SLC38A1: variants seen among roughly 807,000 people sequenced by gnomAD.
SLC38A1 encodes the protein sodium-coupled neutral amino acid symporter 1.
Under a neutral mutation model 60.3 loss-of-function variants are expected in SLC38A1, and 18 were observed. The observed-to-expected ratio is 0.30, with a 90% CI of 0.21 to 0.44. The LOEUF (loss-of-function observed/expected upper bound fraction) is 0.44, where lower values mean the gene tolerates loss of function less well. SLC38A1 is among the 20% of genes least tolerant of loss of function. The pLI is 1.00. For missense variants in SLC38A1, 448 were observed against 587.2 expected, an observed-to-expected ratio of 0.76 and a Z score of 2.45; for synonymous variants, 196 against 212.1, an observed-to-expected ratio of 0.92 and a Z score of 0.66.
intron 16 of SLC38A1, chr12:46,196,322 G>A: frequency 1.3e-6 from 2 of 1,532,536 alleles, no homozygotes; most frequent in East Asian, 2.4e-5. Flanking sequence ...GGCTGCACAT[G>A]GCATACCATC....
chr12:46,206,121 G>A lies in SLC38A1; in HGVS notation c.605C>T (p.Thr202Ile). ...ACACAGAGGGAGAATTATGCCAAAG[G>A]TAACTATCACCACCAGAACGCGGCC... ...VDGRVLVVIV[T>I]FGIILPLCLL... is the part of the protein sequence containing the mutation. Residue 202 changes from threonine (T) to isoleucine (I), a missense_variant, in exon 9 of 17, where the codon ACC becomes ATC. Physicochemically the swap from Thr to Ile is moderately conservative, Grantham distance 89 (BLOSUM62 -1). Transcript: ENST00000398637. 6.2e-7 allele frequency: 1 copy of A among 1,611,880 alleles called. No homozygotes were observed. Among genetic ancestry groups the A allele is most frequent in the Non-Finnish European group, 8.5e-7 (1 of 1,178,678 alleles).
chr12:46,196,956 G>T (rs780708322), intron 16 of SLC38A1, among the ~76,000 whole-genome samples: 3 of 152,194 alleles, frequency 2.0e-5, no homozygotes, highest in Admixed American at 6.5e-5. Context: ...TAATAAAAAA[G>T]ACTATTTAAG....
intron 5 of SLC38A1, among the ~76,000 whole-genome samples, chr12:46,216,844 A>G (rs955755520): frequency 6.7e-6 from 1 of 150,314 alleles, no homozygotes; most frequent in Non-Finnish European, 1.5e-5. Flanking sequence ...TGGGTGACAG[A>G]GTGAGATGCC....
chr12:46,263,633 C>T (rs1484286719), intron 1 of SLC38A1, among the ~76,000 whole-genome samples: 1 of 152,074 alleles, frequency 6.6e-6, no homozygotes, highest in East Asian at 1.9e-4. Flanking sequence ...TTCTCCTATA[C>T]CTTGGTCCAT....
intron 3 of SLC38A1, 190 bp downstream of exon 3, chr12:46,239,489 A>C: frequency 2.1e-6 from 1 of 475,268 alleles, no homozygotes; most frequent in Non-Finnish European, 3.8e-6. Context: ...ATGCCTGGCT[A>C]ATTTTTTGTA....
intron 1 of SLC38A1, among the ~76,000 whole-genome samples, chr12:46,253,759 TC>T (rs1192994162): frequency 6.6e-6 from 1 of 151,662 alleles, no homozygotes; most frequent in African/African-American, 2.4e-5. Context: ...CTCTGACATT[TC>T]CCCCCTCCCT....
intron 2 of SLC38A1, among the ~76,000 whole-genome samples, chr12:46,241,986 T>C (rs1941463587): frequency 6.6e-6 from 1 of 152,132 alleles, no homozygotes; most frequent in Non-Finnish European, 1.5e-5. Context: ...TGACTAATAA[T>C]AGATCCCGAG....
intron 3 of SLC38A1, among the ~76,000 whole-genome samples, chr12:46,231,292 A>G (rs763210734): frequency 2.0e-5 from 3 of 152,212 alleles, no homozygotes; most frequent in Non-Finnish European, 4.4e-5. Flanking sequence ...GAGACTCCAA[A>G]GAAGGGGAAG....
rs564472994 is a variant in SLC38A1, at chr12:46,196,187, G to C, written c.1362+1533C>G. 2.9e-5 allele frequency: 44 copies of C among 1,536,052 alleles called. No homozygotes were observed. The Middle Eastern group carries it at 1.2e-3, about 41-fold the overall frequency. ...ACAAGATTATAAGTTCCTTGCGCTT[G>C]AGCATGTTCAGTGAGAGCGCTGCAG... On this transcript the variant is annotated intron_variant, in intron 16 of 16. Coordinates refer to ENST00000398637, the MANE Select transcript of SLC38A1 (RefSeq NM_030674.4).
intron 3 of SLC38A1, chr12:46,239,325 C>G: frequency 7.0e-6 from 1 of 143,590 alleles, no homozygotes; most frequent in Non-Finnish European, 1.5e-5. Context: ...TTTTTCTTTA[C>G]TTTTTTTTTT....
chr12:46,229,140 C>G lies in SLC38A1; in HGVS notation c.314+13G>C. The G allele has an allele frequency of 6.6e-7, 1 of 1,517,694 alleles. No homozygotes were observed. The highest frequency in any genetic ancestry group is 9.1e-7 in the Non-Finnish European group (1 of 1,094,564). The allele number at this position is 1,517,694 out of a possible 1,614,324, so 94.0% of individuals were successfully genotyped here. A position where few individuals can be genotyped will look rare whatever the true frequency, so the allele number is the denominator to read the frequency against. ...AGTTTTAAAATGGAAAGTACCGGCA[C>G]GTCAATACTCACAGAAAAAGTAGGA... On this transcript the variant is annotated intron_variant, in intron 5 of 16. Coordinates refer to ENST00000398637, the MANE Select transcript of SLC38A1 (RefSeq NM_030674.4).
At chr12:46,233,821 T>G (rs1303610207) in intron 3 of SLC38A1, among the ~76,000 whole-genome samples, 1 of 152,202 alleles carries the variant, frequency 6.6e-6, no homozygotes, top group Non-Finnish European at 1.5e-5. Flanking sequence ...TTAATAGGTT[T>G]TCCCAAAAAT....
At position 46,187,798 on chromosome 12, in the gene SLC38A1, TTTC is replaced by T. The variant is rs1480842353; in HGVS notation, c.*1169_*1171del. 1.3e-5 allele frequency: 2 copies of T among 149,788 alleles called. No individual in the cohort carries two copies. The highest frequency in any genetic ancestry group is 2.5e-5 in the African/African-American group (1 of 39,766). 9.3% of individuals were successfully genotyped at this position (149,788 alleles called of 1,614,324 possible). A position where few individuals can be genotyped will look rare whatever the true frequency, so the allele number is the denominator to read the frequency against. ...TCTCTGAGGGTTTTTTTTTTTTTTT[TTTC>T]ACAAGACTAGATGGAGAATTAATGA... On this transcript the variant is annotated 3_prime_UTR_variant, in exon 17 of 17. Transcript: ENST00000398637.
Position 46,184,964 on chromosome 12 carries a change from T to C in SLC38A1, c.*4006A>G, listed in dbSNP as rs1283991299. The C allele has an allele frequency of 6.6e-6, 1 of 152,164 alleles. No individual in the cohort carries two copies. The highest frequency in any genetic ancestry group is 2.4e-5 in the African/African-American group (1 of 41,434). The allele number at this position is 152,164 out of a possible 1,614,324, so 9.4% of individuals were successfully genotyped here. A position where few individuals can be genotyped will look rare whatever the true frequency, so the allele number is the denominator to read the frequency against. ...GAAGGGGATAACCAGGTGGCAGCGC[T>C]GGATTCACTCACTTTCTTGCCATTG... is the stretch of plus-strand genomic sequence containing the variant. On this transcript the variant is annotated 3_prime_UTR_variant, in exon 17 of 17. Coordinates refer to ENST00000398637, the MANE Select transcript of SLC38A1 (RefSeq NM_030674.4).
chr12:46,253,795 A>C (rs1941937987), intron 1 of SLC38A1, among the ~76,000 whole-genome samples: 1 of 152,108 alleles, frequency 6.6e-6, no homozygotes, highest in Non-Finnish European at 1.5e-5. Context: ...CTTAATCCTA[A>C]GGGCTGCACA....
At chr12:46,248,923 G>A (rs376043952) in intron 1 of SLC38A1, among the ~76,000 whole-genome samples, 1 of 152,054 alleles carries the variant, frequency 6.6e-6, no homozygotes, top group Non-Finnish European at 1.5e-5. Context: ...TTGGGAGGCC[G>A]AGGCGGGCAG....
chr12:46,231,036 T>C lies in SLC38A1; in HGVS notation c.123-1397A>G, dbSNP rs529074076. Among the ~76,000 whole-genome samples the C allele has an allele frequency of 4.6e-5, 7 of 152,298 alleles. 1 individual carries two copies. The East Asian group carries it at 7.7e-4, about 17-fold the overall frequency. ...AGCACTATTCACCATAGCAAAGTCA[T>C]GGAATCAACCTAAGTGTCCATCAAC... is the stretch of plus-strand genomic sequence containing the variant. On this transcript the variant is annotated intron_variant, in intron 3 of 16. Coordinates refer to ENST00000398637, the MANE Select transcript of SLC38A1 (RefSeq NM_030674.4).
At chr12:46,256,636 C>CACAGAGAGAGAG (rs142176282) in intron 1 of SLC38A1, among the ~76,000 whole-genome samples, 18 of 123,264 alleles carry the variant, frequency 1.5e-4, no homozygotes, top group African/African-American at 3.1e-4. Context: ...CACACACACA[C>CACAGAGAGAGAG]AGAGAGAGAG....
intron 1 of SLC38A1, among the ~76,000 whole-genome samples, chr12:46,243,581 G>A (rs918826313): frequency 9.9e-5 from 15 of 152,172 alleles, no homozygotes; most frequent in Non-Finnish European, 2.1e-4. Context: ...GGCCTGAGCT[G>A]AGACTTCACA....
Sources: allele counts gnomAD v4.1 joint callset (sites outside exome capture counted in the v4.1 genomes callset), GRCh38; gene constraint gnomAD v4.1.1; transcripts MANE v1.5; gene names NCBI Gene and HGNC (gene_info 2026-07-23, HGNC 2026-07-21).